LRRC4C: variants seen among roughly 807,000 people sequenced by gnomAD.
The protein encoded by LRRC4C is leucine rich repeat containing 4C.
LRRC4C carries 5 observed loss-of-function variants against 33.6 expected under a neutral mutation model. The ratio of observed to expected loss-of-function variants is 0.15; its 90% CI spans 0.08 to 0.31. The LOEUF is 0.31. LRRC4C is among the 10% of genes least tolerant of loss of function. The pLI, the probability that LRRC4C is intolerant of heterozygous loss-of-function variation, is 1.00. For missense variants in LRRC4C, 560 were observed against 796.7 expected (o/e 0.70, Z 3.58); for synonymous variants, 329 against 302.0 (o/e 1.09, Z -0.93).
intron 2 of LRRC4C, among the ~76,000 whole-genome samples, chr11:40,752,912 G>A (rs1948764405): frequency 2.6e-5 from 4 of 151,922 alleles, no homozygotes; most frequent in African/African-American, 7.2e-5. Context: ...AATGTGGTAG[G>A]TATACACAGT....
chr11:40,587,907 T>A (rs1369115740), intron 3 of LRRC4C, among the ~76,000 whole-genome samples: 1 of 152,260 alleles, frequency 6.6e-6, no homozygotes, highest in Non-Finnish European at 1.5e-5. Flanking sequence ...TTTGTATCAA[T>A]GTTCCTCAGG....
At chr11:41,054,984 G>A (rs376430256) in intron 1 of LRRC4C, among the ~76,000 whole-genome samples, 1 of 152,076 alleles carries the variant, frequency 6.6e-6, no homozygotes, top group Non-Finnish European at 1.5e-5. Flanking sequence ...AATAATAAGT[G>A]TACAGCTTGG....
chr11:41,252,389 C>T (rs962885529), intron 1 of LRRC4C, among the ~76,000 whole-genome samples: 26 of 152,056 alleles, frequency 1.7e-4, no homozygotes, highest in African/African-American at 6.3e-4. Flanking sequence ...ATCAAACTGG[C>T]AAGCTGGAAG....
intron 1 of LRRC4C, among the ~76,000 whole-genome samples, chr11:41,292,980 GA>G (rs1182939547): frequency 1.3e-5 from 2 of 151,808 alleles, no homozygotes; most frequent in African/African-American, 4.8e-5. Context: ...TTATAATATT[GA>G]AAAAATGGTT....
At chr11:40,785,916 G>A (rs956673189) in intron 2 of LRRC4C, among the ~76,000 whole-genome samples, 6 of 151,856 alleles carry the variant, frequency 4.0e-5, no homozygotes, top group African/African-American at 1.2e-4. Context: ...AAAAAAAAAC[G>A]GAAGTTGAGA....
At chr11:40,141,907 T>C (rs1453710953) in intron 5 of LRRC4C, among the ~76,000 whole-genome samples, 1 of 87,826 alleles carries the variant, frequency 1.1e-5, no homozygotes, top group East Asian at 2.9e-4. Flanking sequence ...TAATGAATGT[T>C]ATTATTATGC....
chr11:40,301,241 C>T (rs1296665241), intron 4 of LRRC4C, among the ~76,000 whole-genome samples: 1 of 152,210 alleles, frequency 6.6e-6, no homozygotes, highest in African/African-American at 2.4e-5. Context: ...GAATGGCCTT[C>T]AACTCAGTTA....
At chr11:41,326,427 G>T (rs186677899) in intron 1 of LRRC4C, among the ~76,000 whole-genome samples, 5 of 152,040 alleles carry the variant, frequency 3.3e-5, no homozygotes, top group Non-Finnish European at 4.4e-5. Context: ...CCTATTGTGG[G>T]ACTTCACCTT....
At chr11:40,840,003 C>G (rs763795870) in intron 2 of LRRC4C, among the ~76,000 whole-genome samples, 83 of 152,102 alleles carry the variant, frequency 5.5e-4, no homozygotes, top group Non-Finnish European at 9.9e-4. Flanking sequence ...CTGATAGTCT[C>G]TATTTCAGAA....
chr11:40,850,220 T>C (rs1166490274), intron 2 of LRRC4C, among the ~76,000 whole-genome samples: 2 of 152,022 alleles, frequency 1.3e-5, no homozygotes, highest in Non-Finnish European at 2.9e-5. Flanking sequence ...GCATTTCTGG[T>C]TTTTGGAATT....
chr11:40,719,279 ATGCATTAC>A (rs1359061647), intron 2 of LRRC4C, among the ~76,000 whole-genome samples: 4 of 152,374 alleles, frequency 2.6e-5, no homozygotes, highest in Middle Eastern at 3.4e-3. Context: ...ATAGTAGTGA[ATGCATTAC>A]TGCAAACCAT....
In LRRC4C at chr11:40,790,504, C is replaced by G. The variant is rs116345766; in HGVS notation, c.-406-142226G>C. ...ATTTCTTCCTGCTGTGTCCGCACCA[C>G]GGTGGCATAAATTCTCTCCAAGGTG... On this transcript the variant is annotated intron_variant, in intron 2 of 6. Coordinates refer to ENST00000528697, the MANE Select transcript of LRRC4C (RefSeq NM_001258419.2). Among the ~76,000 whole-genome samples the G allele has an allele frequency of 2.0e-3, 312 of 152,264 alleles. 1 individual carries two copies. Among genetic ancestry groups the G allele is most frequent in the African/African-American group, 7.3e-3 (303 of 41,562 alleles).
intron 2 of LRRC4C, among the ~76,000 whole-genome samples, chr11:40,726,056 T>G (rs912178123): frequency 6.6e-6 from 1 of 151,942 alleles, no homozygotes; most frequent in African/African-American, 2.4e-5. Context: ...AATGGATAAA[T>G]TCCTAGAAAC....
At chr11:40,699,366 T>C (rs1055734297) in intron 2 of LRRC4C, among the ~76,000 whole-genome samples, 4 of 152,172 alleles carry the variant, frequency 2.6e-5, no homozygotes, top group African/African-American at 7.2e-5. Context: ...AATCCCTTCA[T>C]TAATAGGTGT....
At position 40,114,973 on chromosome 11, in the gene LRRC4C, G is replaced by A; in HGVS notation, c.1320C>T (p.Thr440=). ...TAGTGGTTGCTGCAGTAACATTCAG[G>A]GTGGCTGAAGCAGTAGTATTCCCAA... is the stretch of plus-strand genomic sequence containing the variant. The part of the protein sequence containing the change: ...NSVGNTTASA[T]LNVTAATTTP... Residue 440 remains threonine, a synonymous_variant, in exon 7 of 7, where the codon ACC becomes ACT. Coordinates refer to ENST00000528697, the MANE Select transcript of LRRC4C (RefSeq NM_001258419.2). 6.2e-7 allele frequency: 1 copy of A among 1,614,174 alleles called. No individual in the cohort carries two copies. Among genetic ancestry groups the A allele is most frequent in the East Asian group, 2.2e-5 (1 of 44,880 alleles).
At chr11:40,682,259 G>C (rs1280256297) in intron 2 of LRRC4C, among the ~76,000 whole-genome samples, 1 of 148,750 alleles carries the variant, frequency 6.7e-6, no homozygotes, top group African/African-American at 2.6e-5. Context: ...GACAAAGTGA[G>C]GCCCCACCTT....
intron 1 of LRRC4C, among the ~76,000 whole-genome samples, chr11:41,228,438 T>G (rs1341735309): frequency 6.6e-6 from 1 of 152,138 alleles, no homozygotes; most frequent in Non-Finnish European, 1.5e-5. Flanking sequence ...TTCATTCTGT[T>G]GGGGCATCTG....
At chr11:41,371,059 A>C (rs920867540) in intron 1 of LRRC4C, among the ~76,000 whole-genome samples, 7 of 152,312 alleles carry the variant, frequency 4.6e-5, no homozygotes, top group Middle Eastern at 3.4e-3. Context: ...TAAAATTAAA[A>C]ATAAAAATAA....
chr11:40,118,654 A>G (rs1855607916), intron 6 of LRRC4C, among the ~76,000 whole-genome samples: 1 of 152,136 alleles, frequency 6.6e-6, no homozygotes, highest in African/African-American at 2.4e-5. Flanking sequence ...GCAAGCAGAC[A>G]TGAAAAATGC....
Sources: gnomAD v4.1 joint callset for allele counts (sites outside exome capture counted in the v4.1 genomes callset) on GRCh38, gnomAD v4.1.1 for gene constraint, MANE v1.5 for transcripts, NCBI Gene and HGNC (gene_info 2026-07-23, HGNC 2026-07-21) for gene names.